The following GLIS3 variants were observed in gnomAD, a reference collection of about 807,000 sequenced individuals.
GLIS3 encodes the protein zinc finger protein GLIS3.
In GLIS3, 53 loss-of-function variants were observed where a neutral mutation model predicts 78.6. The observed-to-expected ratio is 0.67, with a 90% CI of 0.54 to 0.85. The LOEUF (loss-of-function observed/expected upper bound fraction) is 0.85, where lower values mean the gene tolerates loss of function less well. Ranked by LOEUF, GLIS3 falls within the 40% of genes least tolerant of loss-of-function variation. The pLI, the probability that GLIS3 is intolerant of heterozygous loss-of-function variation, is 0.00. For synonymous variants in GLIS3, 684 were observed against 509.9 expected, an observed-to-expected ratio of 1.34 and a Z score of -4.60; for missense variants, 1,703 against 1,231.1, an observed-to-expected ratio of 1.38 and a Z score of -5.74.
intron 2 of GLIS3, among the ~76,000 whole-genome samples, chr9:4,268,908 C>T (rs558698844): frequency 1.3e-5 from 2 of 152,306 alleles, no homozygotes; most frequent in Admixed American, 1.3e-4. Context: ...TTTGCTGCAG[C>T]TACTATCTAC....
At chr9:4,300,868 C>T (rs925141200), upstream of GLIS3, among the ~76,000 whole-genome samples, 1 of 152,016 alleles carries the variant, frequency 6.6e-6, no homozygotes, top group Admixed American at 6.6e-5. Context: ...ACAATATCCT[C>T]CAGGTAGGCC....
At chr9:4,448,990 G>C in the GLIS3 span, among the ~76,000 whole-genome samples, 1 of 152,162 alleles carries the variant, frequency 6.6e-6, no homozygotes, top group African/African-American at 2.4e-5. Context: ...GCAGCCTATG[G>C]AGGGTGAGCT....
chr9:4,211,312 G>C (rs1238071532), intron 2 of GLIS3, among the ~76,000 whole-genome samples: 1 of 152,172 alleles, frequency 6.6e-6, no homozygotes, highest in South Asian at 2.1e-4. Context: ...AATTCTCACT[G>C]GATGGCTGTC....
intron 2 of GLIS3, among the ~76,000 whole-genome samples, chr9:4,234,658 G>A (rs891114785): frequency 1.3e-5 from 2 of 152,090 alleles, no homozygotes; most frequent in Admixed American, 1.3e-4. Context: ...ATACTGTTTG[G>A]AAAAAATAGT....
intron 9 of GLIS3, among the ~76,000 whole-genome samples, chr9:3,853,171 C>G (rs1053614068): frequency 1.3e-5 from 2 of 152,142 alleles, no homozygotes; most frequent in African/African-American, 4.8e-5. Flanking sequence ...TGCCACTGCA[C>G]TCTAGCCTTG....
the GLIS3 span, among the ~76,000 whole-genome samples, chr9:4,401,315 A>G: frequency 2.0e-5 from 3 of 151,916 alleles, no homozygotes; most frequent in African/African-American, 7.3e-5. Context: ...GCTGGAGTGC[A>G]ATGGTGTGAT....
At chr9:4,489,919 G>A in the GLIS3 span, among the ~76,000 whole-genome samples, 2 of 152,230 alleles carry the variant, frequency 1.3e-5, no homozygotes, top group African/African-American at 4.8e-5. Context: ...GAGGCTCCGC[G>A]TGAAAGTTTC....
At chr9:4,099,818 G>A (rs1209148370) in intron 4 of GLIS3, among the ~76,000 whole-genome samples, 2 of 152,156 alleles carry the variant, frequency 1.3e-5, no homozygotes, top group Non-Finnish European at 2.9e-5. Flanking sequence ...TCATTCCACA[G>A]AGAATTTAAA....
intron 4 of GLIS3, among the ~76,000 whole-genome samples, chr9:4,062,928 CAA>C (rs879931011): frequency 3.1e-5 from 4 of 127,466 alleles, no homozygotes; most frequent in Non-Finnish European, 3.4e-5. Flanking sequence ...GACTCCATTT[CAA>C]AAAAAAAAAA....
rs180781067 is a variant in GLIS3, at chr9:3,960,588, C to T, written c.1711-23399G>A. ...GGATGATCCTGGCACATAGTGGGTCCACAGTATGTTGAATAAATTAATGAA... is the reference window on the plus strand; with the variant it reads ...GGATGATCCTGGCACATAGTGGGTCTACAGTATGTTGAATAAATTAATGAA... On this transcript the variant is annotated intron_variant, in intron 4 of 10. Transcript: ENST00000381971. Among the ~76,000 whole-genome samples the T allele has an allele frequency of 4.7e-4, 71 of 152,238 alleles. 1 individual carries two copies. The highest frequency in any genetic ancestry group is 7.8e-4 in the Non-Finnish European group (53 of 68,002).
intron 2 of GLIS3, among the ~76,000 whole-genome samples, chr9:4,208,621 A>G (rs1167232689): frequency 6.6e-6 from 1 of 152,246 alleles, no homozygotes; most frequent in Non-Finnish European, 1.5e-5. Flanking sequence ...CTCTCTGTAA[A>G]GTGTGACTGA....
At chr9:4,396,801 A>C in the GLIS3 span, among the ~76,000 whole-genome samples, 1 of 152,096 alleles carries the variant, frequency 6.6e-6, no homozygotes, top group Non-Finnish European at 1.5e-5. Flanking sequence ...ACTCTGTTTT[A>C]AAATTAGTGC....
chr9:4,045,991 G>A (rs905669685), intron 4 of GLIS3, among the ~76,000 whole-genome samples: 3 of 152,128 alleles, frequency 2.0e-5, no homozygotes, highest in African/African-American at 7.2e-5. Flanking sequence ...CTCATGACAA[G>A]ACAGAACAAA....
chr9:4,054,085 T>C (rs1588551943), intron 4 of GLIS3, among the ~76,000 whole-genome samples: 1 of 152,204 alleles, frequency 6.6e-6, no homozygotes, highest in East Asian at 1.9e-4. Flanking sequence ...CACAAAGCCT[T>C]CAAAAGGTCT....
chr9:4,322,611 T>C (rs1300763429), intron 2 of GLIS3, among the ~76,000 whole-genome samples: 1 of 152,214 alleles, frequency 6.6e-6, no homozygotes, highest in Non-Finnish European at 1.5e-5. Context: ...TTCTAACAGG[T>C]GTGAGATGGT....
chr9:4,199,740 A>G (rs914885844), intron 2 of GLIS3, among the ~76,000 whole-genome samples: 1 of 152,208 alleles, frequency 6.6e-6, no homozygotes, highest in African/African-American at 2.4e-5. Context: ...TGACAGCATT[A>G]GACAGATCAT....
intron 9 of GLIS3, among the ~76,000 whole-genome samples, chr9:3,830,065 A>G (rs1817957965): frequency 6.6e-6 from 1 of 152,242 alleles, no homozygotes; most frequent in African/African-American, 2.4e-5. Flanking sequence ...TTTGCAGTAA[A>G]TGGAAAAACT....
At chr9:4,089,337 G>C (rs947064488) in intron 4 of GLIS3, among the ~76,000 whole-genome samples, 7 of 149,412 alleles carry the variant, frequency 4.7e-5, no homozygotes, top group Non-Finnish European at 1.0e-4. Context: ...ATCTTGAAGA[G>C]TGGATAACAT....
At chr9:4,370,761 A>C in the GLIS3 span, among the ~76,000 whole-genome samples, 1 of 151,778 alleles carries the variant, frequency 6.6e-6, no homozygotes, top group African/African-American at 2.4e-5. Context: ...CTTTCATTCA[A>C]TTAAAGTATG....
Sources: allele counts gnomAD v4.1 joint callset (sites outside exome capture counted in the v4.1 genomes callset), GRCh38; gene constraint gnomAD v4.1.1; transcripts MANE v1.5; gene names NCBI Gene and HGNC (gene_info 2026-07-23, HGNC 2026-07-21).